FGF12: variants seen among roughly 807,000 people sequenced by gnomAD.
FGF12 encodes fibroblast growth factor 12B.
FGF12 carries 14 observed loss-of-function variants against 23.6 expected under a neutral mutation model. The ratio of observed to expected loss-of-function variants is 0.59; its 90% CI spans 0.39 to 0.93. The LOEUF (loss-of-function observed/expected upper bound fraction) is 0.93. Ranked by LOEUF, FGF12 falls within the 40% of genes least tolerant of loss-of-function variation. FGF12 has a pLI of 0.00. For synonymous variants in FGF12, 62 were observed against 77.3 expected, an observed-to-expected ratio of 0.80 and a Z score of 1.04; for missense variants, 175 against 217.8, an observed-to-expected ratio of 0.80 and a Z score of 1.24.
At chr3:192,148,284 A>C (rs1560166967) in intron 5 of FGF12, among the ~76,000 whole-genome samples, 1 of 152,246 alleles carries the variant, frequency 6.6e-6, no homozygotes, top group African/African-American at 2.4e-5. Flanking sequence ...CAGCCTAAAA[A>C]ACAAAATTCT....
intron 2 of FGF12, among the ~76,000 whole-genome samples, chr3:192,470,608 C>T (rs1382371071): frequency 3.9e-5 from 6 of 152,124 alleles, no homozygotes; most frequent in Admixed American, 1.3e-4. Context: ...AGGCTGGTCT[C>T]GAACTCCTGA....
chr3:192,292,363 T>A (rs1220582564), intron 4 of FGF12, among the ~76,000 whole-genome samples: 2 of 151,962 alleles, frequency 1.3e-5, no homozygotes, highest in African/African-American at 4.8e-5. Flanking sequence ...TTGCAATGAG[T>A]CAGCATCCTT....
intron 2 of FGF12, among the ~76,000 whole-genome samples, chr3:192,363,902 C>G (rs372747759): frequency 6.6e-6 from 1 of 152,282 alleles, no homozygotes; most frequent in South Asian, 2.1e-4. Flanking sequence ...AAAACGAAAA[C>G]CTTTGCTGTC....
At chr3:192,291,434 T>G (rs1577324679) in intron 4 of FGF12, among the ~76,000 whole-genome samples, 1 of 151,838 alleles carries the variant, frequency 6.6e-6, no homozygotes, top group South Asian at 2.1e-4. Flanking sequence ...ATAAACAAAA[T>G]TAGCTGGGTG....
chr3:192,180,059 A>C (rs1374928679), intron 4 of FGF12, among the ~76,000 whole-genome samples: 1 of 152,156 alleles, frequency 6.6e-6, no homozygotes, highest in African/African-American at 2.4e-5. Context: ...AGGTTAATTA[A>C]GATTATCTTG....
intron 2 of FGF12, among the ~76,000 whole-genome samples, chr3:192,604,475 C>G (rs938400788): frequency 1.3e-5 from 2 of 152,242 alleles, no homozygotes; most frequent in South Asian, 2.1e-4. Flanking sequence ...CCCTGACTTC[C>G]CACAACAGGA....
chr3:192,607,429 G>C (rs1038714552), intron 2 of FGF12, among the ~76,000 whole-genome samples: 2 of 152,084 alleles, frequency 1.3e-5, no homozygotes, highest in Non-Finnish European at 2.9e-5. Flanking sequence ...GAGTTTCAGG[G>C]GTGTCAGACT....
chr3:192,562,179 T>C (rs1712072155), intron 2 of FGF12, among the ~76,000 whole-genome samples: 1 of 152,128 alleles, frequency 6.6e-6, no homozygotes, highest in Non-Finnish European at 1.5e-5. Flanking sequence ...TTATATGCAA[T>C]TCAAGATTAG....
intron 3 of FGF12, among the ~76,000 whole-genome samples, chr3:192,350,058 T>C (rs1258567409): frequency 6.6e-6 from 1 of 152,164 alleles, no homozygotes; most frequent in Non-Finnish European, 1.5e-5. Context: ...TCAATGAACT[T>C]ATCCATATCC....
intron 4 of FGF12, among the ~76,000 whole-genome samples, chr3:192,303,113 T>C (rs1715432466): frequency 2.6e-5 from 4 of 152,216 alleles, no homozygotes; most frequent in Admixed American, 2.6e-4. Context: ...ATATATCAAT[T>C]TTCCAATAGA....
At chr3:192,405,934 C>T (rs371904383) in intron 2 of FGF12, among the ~76,000 whole-genome samples, 9 of 152,268 alleles carry the variant, frequency 5.9e-5, no homozygotes, top group East Asian at 1.9e-4. Context: ...TACAAATACA[C>T]GCAGGTTGCC....
rs74287953 is a variant in FGF12 at position 192,510,553 on chromosome 3, C to T, written c.14-150015G>A. Among the ~76,000 whole-genome samples, 824 of 152,262 alleles carry T rather than the reference C, an allele frequency of 5.4e-3. 25 individuals are homozygous for T. In the East Asian group the frequency reaches 0.069, roughly 13 times the overall value. On this transcript the variant is annotated intron_variant, in intron 2 of 5. Coordinates refer to ENST00000445105, the MANE Select transcript of FGF12 (RefSeq NM_004113.6). The stretch of plus-strand genomic sequence containing the variant: ...CATATGCTACAGCAACTTTGAAAGA[C>T]AGTTTGACACTGTCTTACCAAACTA...
chr3:192,318,130 A>G (rs2108679400), intron 4 of FGF12, among the ~76,000 whole-genome samples: 1 of 152,242 alleles, frequency 6.6e-6, no homozygotes, highest in African/African-American at 2.4e-5. Context: ...CCGAAGGAGG[A>G]CAGGTAAAAC....
chr3:192,317,711 G>A (rs1716302504), intron 4 of FGF12, among the ~76,000 whole-genome samples: 1 of 152,132 alleles, frequency 6.6e-6, no homozygotes, highest in Admixed American at 6.5e-5. Flanking sequence ...GCTGATTACA[G>A]AGCCCTTGGG....
Position 192,465,505 on chromosome 3 carries a change from A to T in FGF12, c.14-104967T>A, listed in dbSNP as rs58319857. ...AAGTGGAACTGAGGCTGCTGTCTCT[A>T]GAGTGTCTGTCTTGAAAGGTTGGCC... On this transcript the variant is annotated intron_variant, in intron 2 of 5. Transcript: ENST00000445105. Among the ~76,000 whole-genome samples the T allele has an allele frequency of 5.2e-3, 794 of 152,010 alleles. 8 individuals carry two copies. The highest frequency in any genetic ancestry group is 0.018 in the African/African-American group (758 of 41,314).
chr3:192,548,097 A>C (rs977699097), intron 2 of FGF12, among the ~76,000 whole-genome samples: 37 of 152,184 alleles, frequency 2.4e-4, no homozygotes, highest in Non-Finnish European at 2.9e-5. Context: ...AAGTGAGTAA[A>C]TACTTCTAAG....
chr3:192,495,368 A>G (rs1723923742), intron 2 of FGF12, among the ~76,000 whole-genome samples: 1 of 152,188 alleles, frequency 6.6e-6, no homozygotes. Flanking sequence ...GTAGTAGAAT[A>G]TGAATGTTTT....
At chr3:192,269,170 C>T (rs199875291) in intron 4 of FGF12, among the ~76,000 whole-genome samples, 2 of 51,528 alleles carry the variant, frequency 3.9e-5, no homozygotes, top group Non-Finnish European at 7.5e-5. Flanking sequence ...CAGCCTTGTC[C>T]TGTCCTCTCA....
chr3:192,308,093 T>G (rs945305850), intron 4 of FGF12, among the ~76,000 whole-genome samples: 1 of 152,168 alleles, frequency 6.6e-6, no homozygotes, highest in Non-Finnish European at 1.5e-5. Context: ...TTTTAAATTA[T>G]AATACTAATG....
Sources: allele counts gnomAD v4.1 joint callset (sites outside exome capture counted in the v4.1 genomes callset), GRCh38; gene constraint gnomAD v4.1.1; transcripts MANE v1.5; gene names NCBI Gene and HGNC (gene_info 2026-07-23, HGNC 2026-07-21).